BMPR2: variants seen among roughly 807,000 people sequenced by gnomAD.
The protein encoded by BMPR2 is bone morphogenetic protein receptor type-2.
Under a neutral mutation model 100.8 loss-of-function variants are expected in BMPR2, and 29 were observed. The ratio of observed to expected loss-of-function variants is 0.29; its 90% CI spans 0.21 to 0.39. The LOEUF (loss-of-function observed/expected upper bound fraction) is 0.39, where lower values mean the gene tolerates loss of function less well. Ranked by LOEUF, BMPR2 falls within the 10% of genes least tolerant of loss-of-function variation. BMPR2 has a pLI of 1.00. For missense variants in BMPR2, 1,011 were observed against 1,274.5 expected, an observed-to-expected ratio of 0.79 and a Z score of 3.15; for synonymous variants, 382 against 442.3, an observed-to-expected ratio of 0.86 and a Z score of 1.71.
chr2:202,485,435 T>A (rs1048936846), intron 3 of BMPR2, among the ~76,000 whole-genome samples: 2 of 151,942 alleles, frequency 1.3e-5, no homozygotes, highest in Non-Finnish European at 2.9e-5. Flanking sequence ...TTTGACAGGT[T>A]TCAGTAAATC....
At chr2:202,460,633 A>T (rs1338075068) in intron 1 of BMPR2, among the ~76,000 whole-genome samples, 5 of 152,114 alleles carry the variant, frequency 3.3e-5, no homozygotes, top group Non-Finnish European at 5.9e-5. Flanking sequence ...ACAGAAGCAG[A>T]GGAAACAATG....
At chr2:202,411,426 A>G (rs1332293199) in intron 1 of BMPR2, among the ~76,000 whole-genome samples, 1 of 152,250 alleles carries the variant, frequency 6.6e-6, no homozygotes, top group Admixed American at 6.5e-5. Context: ...AAAAAGAGTG[A>G]TTGCTCATTA....
At chr2:202,519,788 C>T (rs1319851132) in intron 6 of BMPR2, among the ~76,000 whole-genome samples, 2 of 152,130 alleles carry the variant, frequency 1.3e-5, no homozygotes, top group Non-Finnish European at 1.5e-5. Context: ...GTGAATGATA[C>T]ACTTTTCTAT....
At position 202,555,916 on chromosome 2, in the gene BMPR2, C is replaced by G. The variant is rs980825710; in HGVS notation, c.2251C>G (p.Leu751Val). The change falls in exon 12 of 13, where the codon CTT becomes GTT. Residue 751 changes from leucine (L) to valine (V), a missense_variant. Around this residue, in one of 6 missense-constraint regions of BMPR2, gnomAD observed 508 missense variants for 552.0 expected, o/e 0.92. Transcript: ENST00000374580. Reference sequence around the variant, plus strand: ...CTATCCTCTCCCCAAGCAGCAGAACCTTCCCAAGAGACCTACTAGTTTGCC... The same window carrying G: ...CTATCCTCTCCCCAAGCAGCAGAACGTTCCCAAGAGACCTACTAGTTTGCC... Reference protein sequence around the residue: ...QIYPLPKQQNLPKRPTSLPLN... With the variant: ...QIYPLPKQQNVPKRPTSLPLN... 7 of 1,614,054 alleles carry G rather than the reference C, an allele frequency of 4.3e-6. No homozygotes were observed. Among genetic ancestry groups the G allele is most frequent in the African/African-American group, 4.0e-5 (3 of 74,922 alleles).
At chr2:202,456,132 A>G (rs1211950646) in intron 1 of BMPR2, among the ~76,000 whole-genome samples, 1 of 145,534 alleles carries the variant, frequency 6.9e-6, no homozygotes, top group Admixed American at 7.2e-5. Context: ...TACCTGTTTC[A>G]GATCTCATCA....
intron 1 of BMPR2, among the ~76,000 whole-genome samples, chr2:202,440,185 C>T (rs1001851840): frequency 5.3e-5 from 8 of 150,718 alleles, no homozygotes; most frequent in East Asian, 1.9e-4. Context: ...CTTTCCTATT[C>T]GACAAAACCG....
chr2:202,429,378 A>G lies in BMPR2; in HGVS notation c.77-35431A>G, dbSNP rs551251203. On this transcript the variant is annotated intron_variant, in intron 1 of 12. Transcript: ENST00000374580. ...TACTACTCCCCCTTTCCCACTCTGCATTCCAGTAACACTGAACTATTTATG... is the reference window on the plus strand; with the variant it reads ...TACTACTCCCCCTTTCCCACTCTGCGTTCCAGTAACACTGAACTATTTATG... 6.6e-5 allele frequency among the ~76,000 whole-genome samples: 10 copies of G among 152,208 alleles called. No individual in the cohort carries two copies. In the East Asian group the frequency reaches 1.7e-3, roughly 26 times the overall value.
At chr2:202,448,952 TG>T (rs1691915689) in intron 1 of BMPR2, among the ~76,000 whole-genome samples, 1 of 151,622 alleles carries the variant, frequency 6.6e-6, no homozygotes, top group African/African-American at 2.4e-5. Context: ...TGTGTGTGTG[TG>T]TGTGTGTGTA....
At chr2:202,412,172 G>C (rs984068626) in intron 1 of BMPR2, among the ~76,000 whole-genome samples, 1 of 152,032 alleles carries the variant, frequency 6.6e-6, no homozygotes, top group Non-Finnish European at 1.5e-5. Flanking sequence ...ATGTATTAGA[G>C]ACACATGCGT....
chr2:202,379,099 CT>C (rs1249724499), intron 1 of BMPR2, among the ~76,000 whole-genome samples: 1 of 152,140 alleles, frequency 6.6e-6, no homozygotes, highest in Non-Finnish European at 1.5e-5. Context: ...AAAAGAATCA[CT>C]GCTTAAAAGT....
chr2:202,537,680 G>T (rs1688187531), intron 9 of BMPR2, among the ~76,000 whole-genome samples: 1 of 151,968 alleles, frequency 6.6e-6, no homozygotes, highest in South Asian at 2.1e-4. Flanking sequence ...TTTATGTTAT[G>T]TATATTCTAC....
At position 202,400,061 on chromosome 2, in the gene BMPR2, C is replaced by G. The variant is rs186385743; in HGVS notation, c.76+22511C>G. 2.0e-5 allele frequency among the ~76,000 whole-genome samples: 3 copies of G among 152,170 alleles called. No individual in the cohort carries two copies. The East Asian group carries it at 5.8e-4, about 29-fold the overall frequency. On this transcript the variant is annotated intron_variant, in intron 1 of 12. Transcript: ENST00000374580. Reference sequence around the variant, plus strand: ...AGGAGGAGTTCAAATCTGCATTGAGCACAGATGATGCCACTGCCCTCCAGC... The same window carrying G: ...AGGAGGAGTTCAAATCTGCATTGAGGACAGATGATGCCACTGCCCTCCAGC...
intron 1 of BMPR2, among the ~76,000 whole-genome samples, chr2:202,394,840 G>A (rs1045299231): frequency 1.3e-5 from 2 of 151,786 alleles, no homozygotes; most frequent in African/African-American, 4.8e-5. Flanking sequence ...TGACAGAACT[G>A]TATTTCAAAC....
chr2:202,517,823 T>A (rs1479450450), intron 5 of BMPR2, among the ~76,000 whole-genome samples: 1 of 151,096 alleles, frequency 6.6e-6, no homozygotes, highest in Non-Finnish European at 1.5e-5. Context: ...TTTCTTTTTT[T>A]TTTTTTTGAG....
Position 202,446,821 on chromosome 2 carries a change from T to G in BMPR2, c.77-17988T>G, listed in dbSNP as rs1249453680. ...ATGTACCTACCACGCCCTGCTAATT[T>G]GTGTATTTTTAGTAGAGACAGGGTT... is the stretch of plus-strand genomic sequence containing the variant. On this transcript the variant is annotated intron_variant, in intron 1 of 12. Transcript: ENST00000374580. Among the ~76,000 whole-genome samples the G allele has an allele frequency of 2.0e-5, 3 of 149,402 alleles. No homozygotes were observed. The East Asian group carries it at 5.9e-4, about 29-fold the overall frequency.
chr2:202,395,371 A>C (rs1226688282), intron 1 of BMPR2, among the ~76,000 whole-genome samples: 1 of 152,218 alleles, frequency 6.6e-6, no homozygotes, highest in African/African-American at 2.4e-5. Context: ...ATTACCAGAA[A>C]GATTACTATT....
chr2:202,464,820 C>A lies in BMPR2; in HGVS notation c.88C>A (p.Gln30Lys). 6.2e-7 allele frequency: 1 copy of A among 1,611,932 alleles called. No homozygotes were observed. Among genetic ancestry groups the A allele is most frequent in the South Asian group, 1.1e-5 (1 of 90,282 alleles). The change falls in exon 2 of 13, where the codon CAA becomes AAA. Residue 30 changes from glutamine (Q) to lysine (K), a missense_variant. By Grantham distance (53) the Gln-to-Lys change is moderately conservative. This residue lies in a region of BMPR2 where 355 missense variants were observed against 455.3 expected (regional missense o/e 0.78). Transcript: ENST00000374580. ...LVSTAAASQN[Q>K]ERLCAFKDPY... ...TTCCTTTATTTTAGCTTCGCAGAATCAAGAACGGCTATGTGCGTTTAAAGA... is the reference window on the plus strand; with the variant it reads ...TTCCTTTATTTTAGCTTCGCAGAATAAAGAACGGCTATGTGCGTTTAAAGA...
intron 1 of BMPR2, among the ~76,000 whole-genome samples, chr2:202,421,438 G>T (rs1338793873): frequency 1.3e-5 from 2 of 148,458 alleles, no homozygotes; most frequent in East Asian, 3.9e-4. Flanking sequence ...TATAGTATTT[G>T]ATAGCAAAGC....
At chr2:202,557,136 G>A (rs1466594873) in intron 12 of BMPR2, among the ~76,000 whole-genome samples, 1 of 151,908 alleles carries the variant, frequency 6.6e-6, no homozygotes, top group East Asian at 1.9e-4. Context: ...TTCGAGACCA[G>A]CCTGACCAAC....
Sources: allele counts gnomAD v4.1 joint callset (sites outside exome capture counted in the v4.1 genomes callset), GRCh38; gene constraint gnomAD v4.1.1; regional missense constraint gnomAD v4.1.1; transcripts MANE v1.5; gene names NCBI Gene and HGNC (gene_info 2026-07-23, HGNC 2026-07-21).